ECT2L: variants seen among roughly 807,000 people sequenced by gnomAD.
ECT2L encodes the protein epithelial cell-transforming sequence 2 oncogene-like.
A neutral mutation model predicts 122.8 loss-of-function variants in ECT2L; 126 were observed. The ratio of observed to expected loss-of-function variants is 1.03; its 90% CI spans 0.89 to 1.19. ECT2L has a LOEUF of 1.19. Among genes scored for constraint, ECT2L ranks in the 50% most tolerant of loss-of-function variants. The pLI, the probability that ECT2L is intolerant of heterozygous loss-of-function variation, is 0.00. For missense variants in ECT2L, 1,012 were observed against 1,064.1 expected, an observed-to-expected ratio of 0.95 and a Z score of 0.68; for synonymous variants, 385 against 381.8, an observed-to-expected ratio of 1.01 and a Z score of -0.10.
At chr6:138,857,931 T>C (rs1176765941) in intron 10 of ECT2L, among the ~76,000 whole-genome samples, 4 of 152,082 alleles carry the variant, frequency 2.6e-5, no homozygotes, top group South Asian at 4.2e-4. Flanking sequence ...CACATCCTTC[T>C]CCACGTGGCG....
intron 7 of ECT2L, among the ~76,000 whole-genome samples, chr6:138,844,782 C>A (rs1205817988): frequency 4.8e-5 from 7 of 145,112 alleles, no homozygotes; most frequent in African/African-American, 7.6e-5. Flanking sequence ...ACAAAACTTA[C>A]ATTTTAAATG....
intron 6 of ECT2L, among the ~76,000 whole-genome samples, chr6:138,843,682 C>T (rs1562469546): frequency 6.6e-6 from 1 of 151,858 alleles, no homozygotes; most frequent in Non-Finnish European, 1.5e-5. Context: ...AGTTAAGCCC[C>T]CTATTTATTT....
intron 13 of ECT2L, among the ~76,000 whole-genome samples, chr6:138,874,048 C>T (rs139836409): frequency 0.018 from 2,735 of 152,118 alleles, 34 homozygotes; most frequent in Middle Eastern, 0.075. Flanking sequence ...GATGGCTGCC[C>T]GCCAGAATTA....
chr6:138,902,912 A>G lies in ECT2L; in HGVS notation c.*285A>G, dbSNP rs1779452644. On this transcript the variant is annotated 3_prime_UTR_variant, in exon 22 of 22. Coordinates refer to ENST00000541398, the MANE Select transcript of ECT2L (RefSeq NM_001077706.3). Reference sequence around the variant, plus strand: ...GTAATTTGATGTGATGAAACCTAAGACAGAGCAAGCACATTGTGTAAAGCT... The same window carrying G: ...GTAATTTGATGTGATGAAACCTAAGGCAGAGCAAGCACATTGTGTAAAGCT... The G allele has an allele frequency of 3.0e-6, 1 of 328,272 alleles. No individual in the cohort carries two copies. The highest frequency in any genetic ancestry group is 2.2e-5 in the African/African-American group (1 of 45,008). The allele number at this position is 328,272 out of a possible 1,614,324, so 20.3% of individuals were successfully genotyped here.
chr6:138,799,354 T>G (rs192569019), intron 1 of ECT2L, among the ~76,000 whole-genome samples: 10 of 151,326 alleles, frequency 6.6e-5, no homozygotes, highest in Non-Finnish European at 1.2e-4. Flanking sequence ...CCCGGGTTCA[T>G]GCCATTCTCC....
intron 19 of ECT2L, among the ~76,000 whole-genome samples, chr6:138,887,339 T>G (rs1582660891): frequency 6.6e-6 from 1 of 151,814 alleles, no homozygotes; most frequent in Non-Finnish European, 1.5e-5. Context: ...CCATTCTCCT[T>G]CCCCAGCCTC....
At chr6:138,873,068 A>C (rs1269546350) in intron 13 of ECT2L, among the ~76,000 whole-genome samples, 1 of 152,216 alleles carries the variant, frequency 6.6e-6, no homozygotes, top group Non-Finnish European at 1.5e-5. Context: ...AAGTCTTTTC[A>C]ACTGGCTATT....
intron 12 of ECT2L, among the ~76,000 whole-genome samples, chr6:138,865,893 T>C (rs564861101): frequency 3.2e-4 from 49 of 152,346 alleles, no homozygotes; most frequent in African/African-American, 1.2e-3. Context: ...TATCTATGCC[T>C]TTCTTCTTTT....
At chr6:138,798,010 TA>T (rs1436754894) in intron 1 of ECT2L, among the ~76,000 whole-genome samples, 1 of 152,238 alleles carries the variant, frequency 6.6e-6, no homozygotes, top group Non-Finnish European at 1.5e-5. Context: ...GGAAACACTT[TA>T]CTTATGTTTG....
chr6:138,844,206 T>C (rs1412057104), intron 6 of ECT2L, among the ~76,000 whole-genome samples: 1 of 152,218 alleles, frequency 6.6e-6, no homozygotes, highest in East Asian at 1.9e-4. Flanking sequence ...CTCTGAGCTT[T>C]GTTTCTTGAC....
At chr6:138,902,394 G>A (rs1779431768) in intron 21 of ECT2L, 106 bp from the exon 22 acceptor site, 1 of 1,036,052 alleles carries the variant, frequency 9.7e-7, no homozygotes, top group South Asian at 1.6e-5. Flanking sequence ...TTTCTTTTTA[G>A]GTTTTAAAAA....
At chr6:138,839,229 C>A (rs181518671) in intron 5 of ECT2L, among the ~76,000 whole-genome samples, 3 of 152,218 alleles carry the variant, frequency 2.0e-5, no homozygotes, top group African/African-American at 7.2e-5. Context: ...ACATTGAGAT[C>A]TGTCAACAGC....
intron 4 of ECT2L, among the ~76,000 whole-genome samples, chr6:138,830,729 T>C (rs78693815): frequency 0.019 from 2,885 of 152,272 alleles, 37 homozygotes; most frequent in Non-Finnish European, 0.028. Flanking sequence ...TCCTCCTACC[T>C]CTCGGTCCTG....
At chr6:138,837,006 C>T (rs1051691256) in intron 4 of ECT2L, among the ~76,000 whole-genome samples, 18 of 151,994 alleles carry the variant, frequency 1.2e-4, no homozygotes, top group African/African-American at 2.7e-4. Context: ...TATTAGGAAA[C>T]GGAATTGAGA....
intron 15 of ECT2L, among the ~76,000 whole-genome samples, chr6:138,881,668 C>T (rs1778651301): frequency 6.6e-6 from 1 of 151,716 alleles, no homozygotes; most frequent in African/African-American, 2.4e-5. Context: ...GAGACAAGGA[C>T]AGATCATCAG....
intron 1 of ECT2L, among the ~76,000 whole-genome samples, chr6:138,806,213 C>T (rs1334073142): frequency 6.6e-6 from 1 of 152,174 alleles, no homozygotes; most frequent in Non-Finnish European, 1.5e-5. Flanking sequence ...AAAATGGTAG[C>T]TCAGAGACTT....
Position 138,886,920 on chromosome 6 carries a change from C to T in ECT2L, c.2323C>T (p.Pro775Ser). The stretch of plus-strand genomic sequence containing the variant: ...TATACAGAGAATCATCTGGGGATGC[C>T]CTGTATGTATTCTTAGGAACTTGCT... The part of the protein sequence containing the change: ...SDIQRIIWGC[P>S]TLSEVNRYLI... Residue 775 changes from proline to serine, a missense_variant and splice_region_variant, in exon 19 of 22, where the codon CCT (proline) becomes TCT (serine). Pro to Ser is a moderately conservative substitution (Grantham distance 74, BLOSUM62 -1). Transcript: ENST00000541398. 2 of 1,611,276 alleles carry T rather than the reference C, an allele frequency of 1.2e-6. 1 individual carries two copies. The highest frequency in any genetic ancestry group is 2.2e-5 in the South Asian group (2 of 90,728).
intron 10 of ECT2L, among the ~76,000 whole-genome samples, chr6:138,854,661 T>G (rs1035781599): frequency 2.0e-5 from 3 of 152,214 alleles, no homozygotes; most frequent in African/African-American, 7.2e-5. Context: ...CTTAAGGACT[T>G]ATGAATCTCA....
At chr6:138,887,797 A>G (rs1778878369) in intron 19 of ECT2L, among the ~76,000 whole-genome samples, 1 of 151,934 alleles carries the variant, frequency 6.6e-6, no homozygotes, top group Non-Finnish European at 1.5e-5. Flanking sequence ...TTTCTTTCCT[A>G]TTTCACTGGA....
Sources: allele counts gnomAD v4.1 joint callset (sites outside exome capture counted in the v4.1 genomes callset), GRCh38; gene constraint gnomAD v4.1.1; transcripts MANE v1.5; gene names NCBI Gene and HGNC (gene_info 2026-07-23, HGNC 2026-07-21).